ARHGEF28: variants seen among roughly 807,000 people sequenced by gnomAD.
ARHGEF28 encodes 190 kDa guanine nucleotide exchange factor.
ARHGEF28 carries 152 observed loss-of-function variants against 206.6 expected under a neutral mutation model. The ratio of observed to expected loss-of-function variants is 0.74; its 90% CI spans 0.64 to 0.84. The LOEUF is 0.84. Among genes scored for constraint, ARHGEF28 ranks in the 40% least tolerant of loss-of-function variants. The pLI is 0.00. For missense variants in ARHGEF28, 2,028 were observed against 2,073.2 expected (o/e 0.98, Z 0.42); for synonymous variants, 763 against 776.4 (o/e 0.98, Z 0.29).
At chr5:73,702,810 G>C (rs993835372) in intron 2 of ARHGEF28, among the ~76,000 whole-genome samples, 6 of 152,174 alleles carry the variant, frequency 3.9e-5, no homozygotes, top group African/African-American at 1.4e-4. Context: ...TGGGAGTAGG[G>C]ATTTCTGATT....
At chr5:73,857,533 C>T in intron 14 of ARHGEF28, 123 bp from the exon 15 acceptor site, 2 of 1,071,224 alleles carry the variant, frequency 1.9e-6, no homozygotes, top group Non-Finnish European at 2.6e-6. Context: ...CCACTAAAAC[C>T]TGAAAAAATA....
intron 4 of ARHGEF28, among the ~76,000 whole-genome samples, chr5:73,765,062 G>A (rs918224702): frequency 6.6e-6 from 1 of 151,984 alleles, no homozygotes; most frequent in African/African-American, 2.4e-5. Context: ...TTCATATCAT[G>A]ATACATGATG....
chr5:73,633,247 C>T (rs910429702), intron 1 of ARHGEF28, among the ~76,000 whole-genome samples: 17 of 152,154 alleles, frequency 1.1e-4, no homozygotes, highest in Non-Finnish European at 2.1e-4. Flanking sequence ...GCTGTGTGAC[C>T]TGGTTCCTAA....
intron 1 of ARHGEF28, among the ~76,000 whole-genome samples, chr5:73,669,541 A>G (rs190032927): frequency 1.1e-4 from 16 of 152,184 alleles, no homozygotes; most frequent in South Asian, 6.2e-4. Flanking sequence ...GTAAGAAACA[A>G]TAGAGATACT....
At chr5:73,894,012 C>CA (rs36106149) in intron 28 of ARHGEF28, among the ~76,000 whole-genome samples, 13,892 of 152,222 alleles carry the variant, frequency 0.091, 868 homozygotes, top group South Asian at 0.17. Flanking sequence ...TGTGCCGTTC[C>CA]AGGCATTTGT....
At position 73,881,007 on chromosome 5, in the gene ARHGEF28, A is replaced by C. The variant is rs111846024; in HGVS notation, c.2815-1465A>C. ...TTGTACTTTGAGTGTTTTTTTGTGCAGGTTATGAGACTTAGTAGGTTAAGT... is the reference window on the plus strand; with the variant it reads ...TTGTACTTTGAGTGTTTTTTTGTGCCGGTTATGAGACTTAGTAGGTTAAGT... On this transcript the variant is annotated intron_variant, in intron 22 of 35. Transcript: ENST00000513042. Among the ~76,000 whole-genome samples, 880 of 148,614 alleles carry C rather than the reference A, an allele frequency of 5.9e-3. 15 individuals are homozygous for C. Among genetic ancestry groups the C allele is most frequent in the African/African-American group, 0.02 (821 of 40,412 alleles).
intron 35 of ARHGEF28, among the ~76,000 whole-genome samples, chr5:73,932,870 G>A (rs536393488): frequency 3.9e-5 from 5 of 129,278 alleles, no homozygotes; most frequent in East Asian, 4.7e-4. Context: ...GTGCAGTGGC[G>A]CGATCTCGGC....
intron 9 of ARHGEF28, among the ~76,000 whole-genome samples, chr5:73,798,868 A>G (rs1754978816): frequency 6.6e-6 from 1 of 152,006 alleles, no homozygotes; most frequent in Non-Finnish European, 1.5e-5. Flanking sequence ...TGGGTGGAAC[A>G]CTTGAGGTCA....
At position 73,665,956 on chromosome 5, in the gene ARHGEF28, C is replaced by T. The variant is rs541314400; in HGVS notation, c.-11-18885C>T. 2.0e-5 allele frequency among the ~76,000 whole-genome samples: 3 copies of T among 152,240 alleles called. No individual in the cohort carries two copies. In the South Asian group the frequency reaches 6.2e-4, roughly 32 times the overall value. On this transcript the variant is annotated intron_variant, in intron 1 of 35. Coordinates refer to ENST00000513042, the MANE Select transcript of ARHGEF28 (RefSeq NM_001177693.2). ...GTCTTAACTCATTCCAGCATCAACTCAAAAGTTCAAAGTACAAACTGTCAT... is the reference window on the plus strand; with the variant it reads ...GTCTTAACTCATTCCAGCATCAACTTAAAAGTTCAAAGTACAAACTGTCAT...
In ARHGEF28 at chr5:73,846,601, A is replaced by G. The variant is rs1211713835; in HGVS notation, c.1635+126A>G. On this transcript the variant is annotated intron_variant, in intron 12 of 35. Coordinates refer to ENST00000513042, the MANE Select transcript of ARHGEF28 (RefSeq NM_001177693.2). Reference sequence around the variant, plus strand: ...CATATGAACTATTTTTTTGAGACCCATGTGATATCTGATTGAGTCTGTCTT... The same window carrying G: ...CATATGAACTATTTTTTTGAGACCCGTGTGATATCTGATTGAGTCTGTCTT... The G allele has an allele frequency of 1.1e-5, 9 of 805,082 alleles. No individual in the cohort carries two copies. In the Admixed American group the frequency reaches 1.2e-4, roughly 11 times the overall value. The allele number at this position is 805,082 out of a possible 1,614,324, so 49.9% of individuals were successfully genotyped here.
intron 2 of ARHGEF28, 119 bp from the exon 3 acceptor site, chr5:73,749,718 T>G (rs545182109): frequency 1.8e-6 from 2 of 1,100,192 alleles, no homozygotes; most frequent in South Asian, 1.6e-5. Flanking sequence ...CTATTTGAAC[T>G]CAACCACATG....
At chr5:73,885,499 C>A (rs1389749496) in intron 24 of ARHGEF28, among the ~76,000 whole-genome samples, 3 of 143,750 alleles carry the variant, frequency 2.1e-5, no homozygotes, top group Non-Finnish European at 4.5e-5. Flanking sequence ...TTCTTCGAGA[C>A]AGAGTCTCAC....
rs2112632411 is a variant in ARHGEF28, at chr5:73,867,905, G to A, written c.2182G>A (p.Gly728Ser). 1 of 1,613,970 alleles carries A rather than the reference G, an allele frequency of 6.2e-7. No individual in the cohort carries two copies. Among genetic ancestry groups the A allele is most frequent in the African/African-American group, 1.3e-5 (1 of 75,032 alleles). Residue 728 changes from glycine (G) to serine (S), a missense_variant, in exon 19 of 36, where the codon GGT becomes AGT. Physicochemically the swap from Gly to Ser is moderately conservative, Grantham distance 56. Transcript: ENST00000513042. The stretch of plus-strand genomic sequence containing the variant: ...TTCATTTAGAGACATCCCACAGCCT[G>A]GTCTCTCCTTGCACCCTTCTTCCTC... Reference protein sequence around the residue: ...NSSFRDIPQPGLSLHPSSSVP... With the variant: ...NSSFRDIPQPSLSLHPSSSVP...
intron 2 of ARHGEF28, among the ~76,000 whole-genome samples, chr5:73,734,421 T>A (rs113353746): frequency 1.3e-5 from 2 of 152,212 alleles, no homozygotes; most frequent in African/African-American, 4.8e-5. Flanking sequence ...AGGATTTCAC[T>A]TCAGGGTCTT....
chr5:73,706,643 T>C (rs1376874324), intron 2 of ARHGEF28, among the ~76,000 whole-genome samples: 3 of 152,120 alleles, frequency 2.0e-5, no homozygotes, highest in African/African-American at 7.2e-5. Flanking sequence ...TAAAAGAAAA[T>C]GATACTTAGT....
At chr5:73,643,347 A>C (rs906551547) in intron 1 of ARHGEF28, among the ~76,000 whole-genome samples, 2 of 152,222 alleles carry the variant, frequency 1.3e-5, no homozygotes, top group South Asian at 4.1e-4. Flanking sequence ...AATATCTTTT[A>C]AACTGAAATT....
At chr5:73,728,282 A>C (rs942148009) in intron 2 of ARHGEF28, among the ~76,000 whole-genome samples, 10 of 152,184 alleles carry the variant, frequency 6.6e-5, no homozygotes, top group Admixed American at 6.5e-4. Flanking sequence ...TCTTTGTTTC[A>C]TCCCAATGTA....
At position 73,756,192 on chromosome 5, in the gene ARHGEF28, C is replaced by T. The variant is rs111548323; in HGVS notation, c.475+2990C>T. 4.2e-3 allele frequency among the ~76,000 whole-genome samples: 645 copies of T among 152,216 alleles called. 5 individuals are homozygous for T. The highest frequency in any genetic ancestry group is 0.014 in the African/African-American group (586 of 41,528). ...TTAATTAGATAATGTATGGCAAGACCTCTAGAAGAGTATCTAAACATATTA... is the reference window on the plus strand; with the variant it reads ...TTAATTAGATAATGTATGGCAAGACTTCTAGAAGAGTATCTAAACATATTA... On this transcript the variant is annotated intron_variant, in intron 4 of 35. Coordinates refer to ENST00000513042, the MANE Select transcript of ARHGEF28 (RefSeq NM_001177693.2).
intron 22 of ARHGEF28, among the ~76,000 whole-genome samples, chr5:73,879,948 G>A (rs1318314452): frequency 6.6e-6 from 1 of 152,220 alleles, no homozygotes; most frequent in Non-Finnish European, 1.5e-5. Context: ...AACCACTGCT[G>A]TCTTCAAAGC....
Sources: gnomAD v4.1 joint callset for allele counts (sites outside exome capture counted in the v4.1 genomes callset) on GRCh38, gnomAD v4.1.1 for gene constraint, MANE v1.5 for transcripts, NCBI Gene and HGNC (gene_info 2026-07-23, HGNC 2026-07-21) for gene names.